MTAP: variants seen among roughly 807,000 people sequenced by gnomAD.
MTAP encodes the protein S-methyl-5'-thioadenosine phosphorylase.
A neutral mutation model predicts 33.6 loss-of-function variants in MTAP; 33 were observed. The observed-to-expected ratio is 0.98, with a 90% CI of 0.74 to 1.31. The LOEUF (loss-of-function observed/expected upper bound fraction) is 1.31, where lower values mean the gene tolerates loss of function less well. MTAP is among the 40% of genes most tolerant of loss of function. MTAP has a pLI of 0.00. For missense variants in MTAP, 367 were observed against 360.0 expected, an observed-to-expected ratio of 1.02 and a Z score of -0.16; for synonymous variants, 148 against 125.7, an observed-to-expected ratio of 1.18 and a Z score of -1.19.
intron 1 of MTAP, among the ~76,000 whole-genome samples, chr9:21,881,757 A>G (rs1293309887): frequency 2.0e-5 from 3 of 152,034 alleles, no homozygotes; most frequent in African/African-American, 7.2e-5. Flanking sequence ...AAAAATTGGA[A>G]CCCTTCCACA....
intron 1 of MTAP, among the ~76,000 whole-genome samples, chr9:21,884,426 ATAATGT>A (rs1177025673): frequency 2.0e-5 from 3 of 152,182 alleles, no homozygotes; most frequent in Non-Finnish European, 4.4e-5. Context: ...CCTTTCAAAC[ATAATGT>A]TAAGTGGAAA....
At chr9:21,813,994 T>G (rs1211936306) in intron 1 of MTAP, 1 of 152,264 alleles carries the variant, frequency 6.6e-6, no homozygotes, top group Non-Finnish European at 1.5e-5. Flanking sequence ...TCTTTGTTCG[T>G]TGACATAAAA....
chr9:21,927,728 A>G (rs1230541767), intron 1 of MTAP, among the ~76,000 whole-genome samples: 1 of 152,198 alleles, frequency 6.6e-6, no homozygotes, highest in Non-Finnish European at 1.5e-5. Flanking sequence ...CAGTGCAACT[A>G]GCTGACCCAT....
chr9:21,911,544 A>G (rs1420893413), intron 1 of MTAP, among the ~76,000 whole-genome samples: 2 of 152,256 alleles, frequency 1.3e-5, no homozygotes, highest in East Asian at 3.8e-4. Flanking sequence ...GTACATAACG[A>G]AATGAAGGCA....
At chr9:21,914,792 A>AAT (rs1554649197) in intron 1 of MTAP, among the ~76,000 whole-genome samples, 1 of 151,740 alleles carries the variant, frequency 6.6e-6, no homozygotes, top group East Asian at 1.9e-4. Context: ...AATAAAAAAA[A>AAT]AATAATAAAC....
intron 3 of MTAP, among the ~76,000 whole-genome samples, chr9:21,817,521 C>G (rs372948791): frequency 1.1e-4 from 17 of 152,012 alleles, no homozygotes; most frequent in African/African-American, 3.9e-4. Context: ...GCCTTTGGCT[C>G]CTAGAGGTGG....
At chr9:21,812,636 A>G (rs532095854) in intron 1 of MTAP, among the ~76,000 whole-genome samples, 3 of 152,314 alleles carry the variant, frequency 2.0e-5, no homozygotes, top group South Asian at 2.1e-4. Context: ...GGTCATTAAG[A>G]AAGAGTTTTC....
chr9:21,919,360 A>C (rs1401792810), intron 1 of MTAP, among the ~76,000 whole-genome samples: 1 of 152,240 alleles, frequency 6.6e-6, no homozygotes, highest in Non-Finnish European at 1.5e-5. Flanking sequence ...GATACTCTGA[A>C]AAAATAATTT....
chr9:21,837,397 C>G (rs1373895110), intron 4 of MTAP, among the ~76,000 whole-genome samples: 1 of 152,080 alleles, frequency 6.6e-6, no homozygotes, highest in Non-Finnish European at 1.5e-5. Flanking sequence ...TGTTTAAAAA[C>G]AAATTTTTTT....
chr9:21,869,082 T>C (rs908466447), downstream of MTAP, among the ~76,000 whole-genome samples: 2 of 152,172 alleles, frequency 1.3e-5, no homozygotes, highest in African/African-American at 4.8e-5. Context: ...CTCCTTATTA[T>C]TGAATCACTT....
At chr9:21,905,944 A>G (rs760583445) in intron 1 of MTAP, among the ~76,000 whole-genome samples, 2 of 152,218 alleles carry the variant, frequency 1.3e-5, no homozygotes, top group African/African-American at 2.4e-5. Context: ...GCAGCTTTCA[A>G]GTGGGTTTGG....
At chr9:21,924,572 A>G (rs969101683) in intron 1 of MTAP, among the ~76,000 whole-genome samples, 2 of 152,258 alleles carry the variant, frequency 1.3e-5, no homozygotes, top group African/African-American at 4.8e-5. Flanking sequence ...TCCAGTGATG[A>G]TAGCAGCCAT....
chr9:21,938,988 G>C (rs1203869401), downstream of MTAP, among the ~76,000 whole-genome samples: 1 of 152,188 alleles, frequency 6.6e-6, no homozygotes, highest in Non-Finnish European at 1.5e-5. Flanking sequence ...ATCTCAACTT[G>C]AATTGTATCT....
At chr9:21,814,810 AT>A (rs1476849145) in intron 1 of MTAP, among the ~76,000 whole-genome samples, 3 of 152,244 alleles carry the variant, frequency 2.0e-5, no homozygotes, top group Non-Finnish European at 4.4e-5. Flanking sequence ...GTAAATATGA[AT>A]TTGCATACAT....
At chr9:21,895,665 C>T (rs547108053) in intron 1 of MTAP, among the ~76,000 whole-genome samples, 14 of 152,328 alleles carry the variant, frequency 9.2e-5, no homozygotes, top group Admixed American at 5.9e-4. Flanking sequence ...AGGTTATATC[C>T]CATGCCTAGC....
intron 1 of MTAP, among the ~76,000 whole-genome samples, chr9:21,804,470 A>T (rs890832644): frequency 6.6e-6 from 1 of 152,220 alleles, no homozygotes. Flanking sequence ...TAAATATTGA[A>T]TAGTGTGTAT....
intron 1 of MTAP, among the ~76,000 whole-genome samples, chr9:21,907,386 A>G (rs1449520596): frequency 2.0e-5 from 3 of 152,200 alleles, no homozygotes; most frequent in East Asian, 1.9e-4. Context: ...GCAACAACCC[A>G]TCTCTACAAA....
At chr9:21,928,065 C>G (rs1183985362) in intron 1 of MTAP, among the ~76,000 whole-genome samples, 1 of 152,194 alleles carries the variant, frequency 6.6e-6, no homozygotes, top group Non-Finnish European at 1.5e-5. Context: ...TTACTCCCCT[C>G]TCTCCCCAGT....
chr9:21,911,529 A>G (rs961218800), intron 1 of MTAP, among the ~76,000 whole-genome samples: 2 of 152,228 alleles, frequency 1.3e-5, no homozygotes, highest in African/African-American at 4.8e-5. Context: ...CTGAATGACT[A>G]CTGGGTACAT....
Sources: gnomAD v4.1 joint callset for allele counts (sites outside exome capture counted in the v4.1 genomes callset) on GRCh38, gnomAD v4.1.1 for gene constraint, MANE v1.5 for transcripts, NCBI Gene and HGNC (gene_info 2026-07-23, HGNC 2026-07-21) for gene names.